Variants in HS6ST2 observed in about 807,000 individuals in gnomAD.
HS6ST2 encodes heparan sulfate 6-O-sulfotransferase 2.
Under a neutral mutation model 33.0 loss-of-function variants are expected in HS6ST2, and 17 were observed. That is an observed-to-expected ratio of 0.52 (90% confidence interval 0.35 to 0.77). The LOEUF (loss-of-function observed/expected upper bound fraction) is 0.77, where lower values mean the gene tolerates loss of function less well. Among genes scored for constraint, HS6ST2 ranks in the 30% least tolerant of loss-of-function variants. The pLI is 0.01. For missense variants in HS6ST2, 519 were observed against 551.7 expected, an observed-to-expected ratio of 0.94 and a Z score of 0.59; for synonymous variants, 248 against 237.1, an observed-to-expected ratio of 1.05 and a Z score of -0.42.
intron 2 of HS6ST2, among the ~76,000 whole-genome samples, chrX:132,928,666 C>T (rs1474403339): frequency 1.8e-5 from 2 of 111,320 alleles, no homozygotes; most frequent in African/African-American, 6.6e-5. Context: ...CCCTTGTTCT[C>T]TATTGTCACA....
chrX:132,779,783 C>T (rs1322419268), intron 2 of HS6ST2, among the ~76,000 whole-genome samples: 1 of 109,850 alleles, frequency 9.1e-6, no homozygotes, highest in East Asian at 2.8e-4. Flanking sequence ...TCCCCTGTTC[C>T]TCCCAATAAC....
chrX:132,632,011 C>A (rs2063521231), intron 4 of HS6ST2, among the ~76,000 whole-genome samples: 1 of 110,179 alleles, frequency 9.1e-6, no homozygotes, highest in Admixed American at 9.7e-5. Flanking sequence ...TGTGTGGATC[C>A]AGTATGCATT....
chrX:132,812,908 C>T (rs1029099987), intron 2 of HS6ST2, among the ~76,000 whole-genome samples: 7 of 108,903 alleles, frequency 6.4e-5, no homozygotes, highest in Non-Finnish European at 1.3e-4. Context: ...AATCTTTATC[C>T]GTTATCCCCC....
At chrX:132,821,414 G>A (rs750534796) in intron 2 of HS6ST2, among the ~76,000 whole-genome samples, 5 of 109,323 alleles carry the variant, frequency 4.6e-5, no homozygotes, top group South Asian at 8.2e-4. Flanking sequence ...GGGTTTCACC[G>A]TGTTAGCCAG....
intron 2 of HS6ST2, among the ~76,000 whole-genome samples, chrX:132,915,769 C>A (rs185692016): frequency 5.6e-5 from 6 of 107,626 alleles, no homozygotes; most frequent in African/African-American, 2.0e-4. Context: ...CTCTCTGTTG[C>A]CCAGGCCAGA....
At chrX:132,761,905 A>C (rs2064808289) in intron 2 of HS6ST2, among the ~76,000 whole-genome samples, 1 of 111,836 alleles carries the variant, frequency 8.9e-6, no homozygotes, top group South Asian at 3.8e-4. Context: ...CCTTACCCTA[A>C]TTACTTCATC....
At chrX:132,675,237 G>A (rs1311387064) in intron 3 of HS6ST2, among the ~76,000 whole-genome samples, 2 of 110,584 alleles carry the variant, frequency 1.8e-5, no homozygotes, top group East Asian at 2.9e-4. Flanking sequence ...CAAGGCAGAT[G>A]TGCGGTCATT....
intron 4 of HS6ST2, among the ~76,000 whole-genome samples, chrX:132,646,823 G>A (rs1284316453): frequency 8.9e-6 from 1 of 111,763 alleles, no homozygotes; most frequent in East Asian, 2.8e-4. Context: ...ACATGTCTGA[G>A]GAGGCCTCAC....
At chrX:132,959,615 C>T (rs2067128462), upstream of HS6ST2, among the ~76,000 whole-genome samples, 1 of 112,257 alleles carries the variant, frequency 8.9e-6, no homozygotes, top group Non-Finnish European at 1.9e-5. Context: ...CATCCGTTTC[C>T]TGTTCTATCT....
intron 2 of HS6ST2, among the ~76,000 whole-genome samples, chrX:132,821,806 C>T (rs1190780019): frequency 9.0e-6 from 1 of 110,856 alleles, no homozygotes; most frequent in African/African-American, 3.3e-5. Context: ...GCCTGGGCAA[C>T]ATGGCGAAAC....
intron 2 of HS6ST2, among the ~76,000 whole-genome samples, chrX:132,899,362 A>G (rs1035691928): frequency 1.8e-5 from 2 of 111,819 alleles, no homozygotes; most frequent in Non-Finnish European, 3.8e-5. Context: ...GGACATTAAA[A>G]TATAGTCATT....
At chrX:132,794,568 G>GATTATTATT (rs200135097) in intron 2 of HS6ST2, among the ~76,000 whole-genome samples, 207 of 98,017 alleles carry the variant, frequency 2.1e-3, no homozygotes, top group African/African-American at 7.8e-3. Context: ...TGATGATGAT[G>GATTATTATT]ATGATGATTA....
intron 2 of HS6ST2, among the ~76,000 whole-genome samples, chrX:132,893,946 CTAAT>C (rs1414146322): frequency 1.8e-5 from 2 of 110,926 alleles, no homozygotes; most frequent in African/African-American, 6.6e-5. Context: ...CCAGAGCTCA[CTAAT>C]TATCTGGAAT....
chrX:132,920,996 T>G (rs2066646021), intron 2 of HS6ST2, among the ~76,000 whole-genome samples: 1 of 112,732 alleles, frequency 8.9e-6, no homozygotes, highest in African/African-American at 3.2e-5. Context: ...ATTTGAGAGA[T>G]ATCATCTTGG....
intron 2 of HS6ST2, among the ~76,000 whole-genome samples, chrX:132,837,296 T>C (rs138790900): frequency 3.8e-4 from 41 of 109,308 alleles, no homozygotes; most frequent in Non-Finnish European, 6.1e-4. Context: ...CTCCAGGAAA[T>C]GTGGGAAAAA....
intron 2 of HS6ST2, among the ~76,000 whole-genome samples, chrX:132,835,103 C>T (rs962550306): frequency 1.8e-5 from 2 of 111,931 alleles, no homozygotes; most frequent in African/African-American, 6.5e-5. Flanking sequence ...GTGAAGAAAT[C>T]CATTCCTTTT....
intron 2 of HS6ST2, among the ~76,000 whole-genome samples, chrX:132,772,913 T>G (rs2148323321): frequency 1.1e-5 from 1 of 89,071 alleles, no homozygotes; most frequent in South Asian, 4.9e-4. Flanking sequence ...AAATATAATA[T>G]ATTTTATATA....
intron 2 of HS6ST2, among the ~76,000 whole-genome samples, chrX:132,849,942 A>G (rs1335746793): frequency 3.6e-5 from 4 of 112,329 alleles, no homozygotes; most frequent in Non-Finnish European, 7.5e-5. Flanking sequence ...AAGTCCAGAG[A>G]GGCAAAATGA....
At position 132,704,102 on chromosome X, in the gene HS6ST2, C is replaced by T. The variant is rs147347911; in HGVS notation, c.980+4360G>A. On this transcript the variant is annotated intron_variant, in intron 3 of 4. Transcript: ENST00000370833. ...TTGCACACATTCAAAATCTCAGGCA[C>T]ACCTGACCCAGCATATGTGTATGTG... Among the ~76,000 whole-genome samples, 560 of 112,088 alleles carry T rather than the reference C, an allele frequency of 5.0e-3. 3 individuals carry two copies. The highest frequency in any genetic ancestry group is 0.017 in the African/African-American group (524 of 30,852).
Sources: gnomAD v4.1 joint callset for allele counts (sites outside exome capture counted in the v4.1 genomes callset) on GRCh38, gnomAD v4.1.1 for gene constraint, MANE v1.5 for transcripts, NCBI Gene and HGNC (gene_info 2026-07-23, HGNC 2026-07-21) for gene names.